RFT1: variants seen among roughly 807,000 people sequenced by gnomAD.
RFT1 encodes the protein man(5)GlcNAc(2)-PP-dolichol translocation protein RFT1.
In RFT1, 43 loss-of-function variants were observed where a neutral mutation model predicts 62.2. The ratio of observed to expected loss-of-function variants is 0.69; its 90% confidence interval spans 0.54 to 0.89. RFT1 has a LOEUF of 0.89. Among genes scored for constraint, RFT1 ranks in the 40% least tolerant of loss-of-function variants. The pLI is 0.00. For synonymous variants in RFT1, 262 were observed against 264.6 expected (o/e 0.99, Z 0.10); for missense variants, 605 against 649.9 (o/e 0.93, Z 0.75).
At position 53,121,786 on chromosome 3, in the gene RFT1, G is replaced by T; in HGVS notation, c.471C>A (p.Ser157Arg). The change falls in exon 5 of 13, where the codon AGC (serine) becomes AGA (arginine). Residue 157 changes from serine to arginine, a missense_variant. Physicochemically the swap from Ser to Arg is moderately radical, Grantham distance 110. Transcript: ENST00000296292. ...GAACGCTCTTAAGAATTACCGACAGGCTCTCTGCAATCACCTGCAAACATG... is the reference window on the plus strand; with the variant it reads ...GAACGCTCTTAAGAATTACCGACAGTCTCTCTGCAATCACCTGCAAACATG... ...MFVKLKVIAE[S>R]LSVILKSVLT... 1 of 1,613,198 alleles carries T rather than the reference G, an allele frequency of 6.2e-7. No homozygotes were observed. The highest frequency in any genetic ancestry group is 8.5e-7 in the Non-Finnish European group (1 of 1,179,608).
intron 6 of RFT1, among the ~76,000 whole-genome samples, chr3:53,113,016 T>C (rs1169559031): frequency 2.6e-5 from 4 of 152,098 alleles, no homozygotes; most frequent in Non-Finnish European, 4.4e-5. Flanking sequence ...GTTTGGTTTT[T>C]TGTTTTGTTT....
At chr3:53,105,532 T>C in intron 9 of RFT1, 141 bp downstream of exon 9, 1 of 1,060,522 alleles carries the variant, frequency 9.4e-7, no homozygotes, top group Non-Finnish European at 1.4e-6. Flanking sequence ...GGTCCCACTA[T>C]CATGAAGAAT....
the RFT1 span, among the ~76,000 whole-genome samples, chr3:53,068,673 A>T: frequency 6.6e-6 from 1 of 152,332 alleles, no homozygotes; most frequent in East Asian, 1.9e-4. Flanking sequence ...CTCTAGAGTC[A>T]ACCTCTCCAG....
chr3:53,110,416 T>C (rs887396737), intron 7 of RFT1, among the ~76,000 whole-genome samples: 2 of 152,210 alleles, frequency 1.3e-5, no homozygotes, highest in African/African-American at 4.8e-5. Context: ...AGGAGCTAAG[T>C]GCTCAGGCCC....
At chr3:53,068,428 CAT>C in the RFT1 span, among the ~76,000 whole-genome samples, 1 of 152,252 alleles carries the variant, frequency 6.6e-6, no homozygotes, top group Non-Finnish European at 1.5e-5. Context: ...GTCCACCTCA[CAT>C]GTGTGTGGCA....
chr3:53,123,309 C>G (rs1702020781), intron 3 of RFT1, among the ~76,000 whole-genome samples: 1 of 152,180 alleles, frequency 6.6e-6, no homozygotes, highest in Non-Finnish European at 1.5e-5. Context: ...TGTAATAAAA[C>G]CCATAAAAGG....
downstream of RFT1, among the ~76,000 whole-genome samples, chr3:53,085,394 C>T (rs960102045): frequency 1.3e-5 from 2 of 152,148 alleles, no homozygotes; most frequent in South Asian, 2.1e-4. Flanking sequence ...AGTGTTCATT[C>T]GGCCTCACAG....
At position 53,099,502 on chromosome 3, in the gene RFT1, T is replaced by TCACACA. The variant is rs1213987624; in HGVS notation, c.1103-17_1103-16insTGTGTG. On this transcript the variant is annotated splice_polypyrimidine_tract_variant and intron_variant, in intron 10 of 12. Coordinates refer to ENST00000296292, the MANE Select transcript of RFT1 (RefSeq NM_052859.4). ...AAAACAGGACCTACAAGGAAACAAC[T>TCACACA]CACTGAGACTCCAGAGCCCAATCAG... is the stretch of plus-strand genomic sequence containing the variant. The TCACACA allele has an allele frequency of 6.2e-7, 1 of 1,605,180 alleles. No individual in the cohort carries two copies. Among genetic ancestry groups the TCACACA allele is most frequent in the Admixed American group, 1.7e-5 (1 of 59,936 alleles).
chr3:53,092,231 T>A, intron 12 of RFT1, 138 bp downstream of exon 12: 1 of 1,424,910 alleles, frequency 7.0e-7, no homozygotes, highest in Non-Finnish European at 9.7e-7. Flanking sequence ...CATTCTCTTG[T>A]CACATTATCA....
intron 6 of RFT1, among the ~76,000 whole-genome samples, chr3:53,112,485 T>A (rs1001686225): frequency 1.3e-5 from 2 of 152,226 alleles, no homozygotes. Flanking sequence ...CTCACGCCTA[T>A]AATCACAACA....
At chr3:53,120,912 T>C (rs1276770224) in intron 5 of RFT1, among the ~76,000 whole-genome samples, 1 of 152,200 alleles carries the variant, frequency 6.6e-6, no homozygotes, top group Non-Finnish European at 1.5e-5. Context: ...TTCTTCATGC[T>C]CCAAGCCCTT....
intron 6 of RFT1, 142 bp downstream of exon 6, chr3:53,119,742 C>T (rs1216741511): frequency 4.9e-6 from 4 of 810,882 alleles, no homozygotes; most frequent in Non-Finnish European, 7.7e-6. Context: ...AAACCCTGGC[C>T]TGGCATAGAG....
chr3:53,116,247 G>A (rs1156666842), intron 6 of RFT1, among the ~76,000 whole-genome samples: 2 of 151,398 alleles, frequency 1.3e-5, no homozygotes, highest in Non-Finnish European at 2.9e-5. Flanking sequence ...GCTGCTCATG[G>A]TAAAGTCATA....
At chr3:53,126,987 G>A (rs943789267) in intron 1 of RFT1, among the ~76,000 whole-genome samples, 3 of 152,102 alleles carry the variant, frequency 2.0e-5, no homozygotes, top group African/African-American at 7.2e-5. Flanking sequence ...GACCAAAAAG[G>A]GACATTGTGT....
intron 6 of RFT1, among the ~76,000 whole-genome samples, chr3:53,112,951 G>A (rs1349013525): frequency 1.3e-5 from 2 of 151,938 alleles, no homozygotes; most frequent in Non-Finnish European, 1.5e-5. Flanking sequence ...TTCTCTCTGG[G>A]GCCCCCTCCT....
At chr3:53,130,252 C>G in intron 1 of RFT1, 86 bp downstream of exon 1, 9 of 1,386,570 alleles carry the variant, frequency 6.5e-6, no homozygotes, top group Non-Finnish European at 9.0e-6. Flanking sequence ...TGGGTCGGCC[C>G]TGGGGCAGGC....
chr3:53,107,708 A>G (rs982802129), intron 7 of RFT1, among the ~76,000 whole-genome samples: 1 of 151,682 alleles, frequency 6.6e-6, no homozygotes, highest in African/African-American at 2.4e-5. Context: ...CTTCAAGGTG[A>G]AGACACCAGC....
chr3:53,110,980 T>C (rs1435452232), intron 7 of RFT1, among the ~76,000 whole-genome samples: 1 of 152,182 alleles, frequency 6.6e-6, no homozygotes, highest in East Asian at 1.9e-4. Flanking sequence ...CTGTCGTAGG[T>C]AAACTGAAAG....
the RFT1 span, among the ~76,000 whole-genome samples, chr3:53,073,138 G>A: frequency 6.6e-6 from 1 of 152,342 alleles, no homozygotes; most frequent in East Asian, 1.9e-4. Flanking sequence ...CGGTGTCCAG[G>A]TCGAGGGCAC....
Sources: gnomAD v4.1 joint callset for allele counts (sites outside exome capture counted in the v4.1 genomes callset) on GRCh38, gnomAD v4.1.1 for gene constraint, MANE v1.5 for transcripts, NCBI Gene and HGNC (gene_info 2026-07-23, HGNC 2026-07-21) for gene names.